SDK2: variants seen among roughly 807,000 people sequenced by gnomAD.
SDK2 encodes sidekick cell adhesion molecule 2.
In SDK2, 105 loss-of-function variants were observed where a neutral mutation model predicts 253.9. That is an observed-to-expected ratio of 0.41 (90% CI 0.35 to 0.49). The LOEUF is 0.49. Ranked by LOEUF, SDK2 falls within the 20% of genes least tolerant of loss-of-function variation. The pLI is 0.06. For synonymous variants in SDK2, 1,249 were observed against 1,234.9 expected (o/e 1.01, Z -0.24); for missense variants, 2,608 against 3,003.0 (o/e 0.87, Z 3.07).
At chr17:73,489,840 G>T (rs1357670304) in intron 2 of SDK2, among the ~76,000 whole-genome samples, 1 of 152,086 alleles carries the variant, frequency 6.6e-6, no homozygotes, top group African/African-American at 2.4e-5. Flanking sequence ...TTTCAACCTA[G>T]GTAGAGTAGC....
At chr17:73,598,625 C>T (rs1200022802) in intron 1 of SDK2, among the ~76,000 whole-genome samples, 1 of 151,054 alleles carries the variant, frequency 6.6e-6, no homozygotes, top group Non-Finnish European at 1.5e-5. Context: ...GGAAGCTGCC[C>T]AGTAAGTGTG....
Position 73,363,160 on chromosome 17 carries a change from T to C in SDK2, c.5306-1315A>G, listed in dbSNP as rs576416380. Among the ~76,000 whole-genome samples, 56 of 152,342 alleles carry C rather than the reference T, an allele frequency of 3.7e-4. 1 individual carries two copies. The South Asian group carries it at 0.012, about 32-fold the overall frequency. On this transcript the variant is annotated intron_variant, in intron 38 of 44. Coordinates refer to ENST00000392650, the MANE Select transcript of SDK2 (RefSeq NM_001144952.2). The stretch of plus-strand genomic sequence containing the variant: ...GTGCAATGGCGCGATCTCAGCTCAC[T>C]GAAACCTCCGCCTCCTGGGTTCAAG...
Position 73,394,241 on chromosome 17 carries a change from C to A in SDK2, c.3676G>T (p.Ala1226Ser). ...CCCAGCACGAGCCCGTTGCGATCAG[C>A]CTCGGGGACCTCGCTCCAGCGCACC... is the stretch of plus-strand genomic sequence containing the variant. ...MLVRWSEVPE[A>S]DRNGLVLGYK... Residue 1226 changes from alanine (A) to serine (S), a missense_variant, in exon 26 of 45, where the codon GCT becomes TCT. Ala to Ser is a moderately conservative substitution (Grantham distance 99). This residue lies in a region of SDK2 where 1,505 missense variants were observed against 1,859.1 expected (regional missense o/e 0.81). Transcript: ENST00000392650. The A allele has an allele frequency of 6.3e-7, 1 of 1,599,054 alleles. No individual in the cohort carries two copies. Among genetic ancestry groups the A allele is most frequent in the Non-Finnish European group, 8.5e-7 (1 of 1,170,308 alleles).
intron 2 of SDK2, among the ~76,000 whole-genome samples, chr17:73,483,683 TTA>T (rs1371637082): frequency 1.4e-4 from 6 of 41,578 alleles, no homozygotes; most frequent in South Asian, 7.2e-4. Context: ...ATATATATAT[TTA>T]TATATATATA....
intron 1 of SDK2, among the ~76,000 whole-genome samples, chr17:73,516,278 GTGGGAGA>G (rs971702154): frequency 5.3e-5 from 8 of 152,250 alleles, no homozygotes; most frequent in Non-Finnish European, 1.2e-4. Context: ...TCAAACCCAG[GTGGGAGA>G]TGGTACTGGT....
chr17:73,549,750 T>TG (rs2045025094), intron 1 of SDK2, among the ~76,000 whole-genome samples: 1 of 151,192 alleles, frequency 6.6e-6, no homozygotes, highest in Non-Finnish European at 1.5e-5. Context: ...GGAGAGGGGA[T>TG]GGGGGGCAGA....
chr17:73,338,382 G>T lies in SDK2; in HGVS notation c.*205C>A, dbSNP rs1466132310. The stretch of plus-strand genomic sequence containing the variant: ...AACCCCACCATCTCAAAGCTGAAGA[G>T]CTGCTGGCCACACACATCCTCTCAC... On this transcript the variant is annotated 3_prime_UTR_variant, in exon 45 of 45. Transcript: ENST00000392650. This position sits in a 1 kb window ranked among gnomAD's most constrained non-coding sequence, Gnocchi z 5.0. 1 of 691,494 alleles carries T rather than the reference G, an allele frequency of 1.4e-6. No homozygotes were observed. 42.8% of individuals were successfully genotyped at this position (691,494 alleles called of 1,614,324 possible). A position where few individuals can be genotyped will look rare whatever the true frequency, so the allele number is the denominator to read the frequency against.
chr17:73,599,920 T>C (rs1028209766), intron 1 of SDK2, among the ~76,000 whole-genome samples: 2 of 152,270 alleles, frequency 1.3e-5, no homozygotes, highest in Non-Finnish European at 2.9e-5. Flanking sequence ...ACAGTCACTC[T>C]GTCTCACACA....
chr17:73,475,402 T>C (rs2063679451), intron 2 of SDK2, among the ~76,000 whole-genome samples: 1 of 152,182 alleles, frequency 6.6e-6, no homozygotes, highest in Non-Finnish European at 1.5e-5. Flanking sequence ...TCCACCCACC[T>C]CGGCCTCCCA....
rs1255543573 is a variant in SDK2 at position 73,334,780 on chromosome 17, T to G, written c.*3807A>C. On this transcript the variant is annotated 3_prime_UTR_variant, in exon 45 of 45. Coordinates refer to ENST00000392650, the MANE Select transcript of SDK2 (RefSeq NM_001144952.2). ...ATGTGCGCATGCCCATGGGTGTCCCTGGATAGGGCCATACAGAGGCACTGG... is the reference window on the plus strand; with the variant it reads ...ATGTGCGCATGCCCATGGGTGTCCCGGGATAGGGCCATACAGAGGCACTGG... 1 of 152,272 alleles carries G rather than the reference T, an allele frequency of 6.6e-6. No homozygotes were observed. The highest frequency in any genetic ancestry group is 1.9e-4 in the East Asian group (1 of 5,188). 9.4% of individuals were successfully genotyped at this position (152,272 alleles called of 1,614,324 possible). A position where few individuals can be genotyped will look rare whatever the true frequency, so the allele number is the denominator to read the frequency against.
At chr17:73,563,132 T>A (rs1223866463) in intron 1 of SDK2, among the ~76,000 whole-genome samples, 2 of 152,240 alleles carry the variant, frequency 1.3e-5, no homozygotes, top group Non-Finnish European at 2.9e-5. Context: ...TGGAGGAGAC[T>A]CATGGCCTCT....
chr17:73,462,895 T>C (rs1207938507), intron 3 of SDK2, among the ~76,000 whole-genome samples: 3 of 152,188 alleles, frequency 2.0e-5, no homozygotes, highest in Admixed American at 6.5e-5. Flanking sequence ...AGGGAGTTCC[T>C]TGTTGAGCAG....
chr17:73,624,983 C>T (rs992320110), intron 1 of SDK2, among the ~76,000 whole-genome samples: 4 of 152,212 alleles, frequency 2.6e-5, no homozygotes, highest in Non-Finnish European at 5.9e-5. Flanking sequence ...AGAGGATTAA[C>T]ATTTTCTTTG....
At chr17:73,611,729 G>A in intron 1 of SDK2, among the ~76,000 whole-genome samples, 1 of 152,204 alleles carries the variant, frequency 6.6e-6, no homozygotes, top group East Asian at 1.9e-4. Flanking sequence ...CCCCAGCTCT[G>A]TAAGGCCTAC....
chr17:73,595,056 G>A (rs898678645), intron 1 of SDK2, among the ~76,000 whole-genome samples: 3 of 152,140 alleles, frequency 2.0e-5, no homozygotes, highest in Admixed American at 6.6e-5. Flanking sequence ...AAAAGACTTC[G>A]GCCTGTTTCT....
intron 3 of SDK2, among the ~76,000 whole-genome samples, chr17:73,466,724 C>CA (rs886771870): frequency 3.5e-5 from 5 of 142,686 alleles, no homozygotes; most frequent in Admixed American, 6.8e-5. Flanking sequence ...CGCCCCCCCC[C>CA]CCCGGCTTAG....
At chr17:73,585,155 G>C (rs773895944) in intron 1 of SDK2, among the ~76,000 whole-genome samples, 4 of 152,226 alleles carry the variant, frequency 2.6e-5, no homozygotes, top group Non-Finnish European at 5.9e-5. Flanking sequence ...GGGGATGTGA[G>C]GAATTGAAGC....
intron 1 of SDK2, among the ~76,000 whole-genome samples, chr17:73,627,381 A>G (rs2046215559): frequency 6.6e-6 from 1 of 152,172 alleles, no homozygotes; most frequent in African/African-American, 2.4e-5. Flanking sequence ...ATATGGGATG[A>G]AAAGGAACAC....
chr17:73,601,097 G>A (rs529721948), intron 1 of SDK2, among the ~76,000 whole-genome samples: 1 of 151,144 alleles, frequency 6.6e-6, no homozygotes, highest in East Asian at 1.9e-4. Context: ...TCAGCTCACT[G>A]CAACCTCCGC....
Sources: gnomAD v4.1 joint callset for allele counts (sites outside exome capture counted in the v4.1 genomes callset) on GRCh38, gnomAD v4.1.1 for gene constraint, gnomAD v4.1.1 regional missense constraint, Gnocchi (gnomAD v3.1) non-coding constraint, MANE v1.5 for transcripts, NCBI Gene and HGNC (gene_info 2026-07-23, HGNC 2026-07-21) for gene names.